RXYLT1: variants seen among roughly 807,000 people sequenced by gnomAD.
RXYLT1 encodes the protein ribitol xylosyltransferase 1, also known as ribitol-5-phosphate xylosyltransferase 1.
A neutral mutation model predicts 43.5 loss-of-function variants in RXYLT1; 41 were observed. The observed-to-expected ratio is 0.94, with a 90% confidence interval of 0.73 to 1.22. The LOEUF (loss-of-function observed/expected upper bound fraction) is 1.22, where lower values mean the gene tolerates loss of function less well. Among genes scored for constraint, RXYLT1 ranks in the 50% most tolerant of loss-of-function variants. RXYLT1 has a pLI of 0.00. For synonymous variants in RXYLT1, 166 were observed against 194.4 expected, an observed-to-expected ratio of 0.85 and a Z score of 1.21; for missense variants, 514 against 532.0, an observed-to-expected ratio of 0.97 and a Z score of 0.33.
chr12:63,786,919 A>G (rs1266766329), intron 3 of RXYLT1, among the ~76,000 whole-genome samples: 1 of 152,056 alleles, frequency 6.6e-6, no homozygotes, highest in East Asian at 1.9e-4. Flanking sequence ...TTCGAGACCA[A>G]CCTGGCTATC....
rs191455174 is a variant in RXYLT1, at chr12:63,805,452, G to C, written c.914+48G>C. 2.7e-4 allele frequency: 408 copies of C among 1,512,004 alleles called. 3 individuals carry two copies. Among genetic ancestry groups the C allele is most frequent in the Non-Finnish European group, 4.1e-5 (46 of 1,131,054 alleles). The allele number at this position is 1,512,004 out of a possible 1,614,324, so 93.7% of individuals were successfully genotyped here. Reference sequence around the variant, plus strand: ...TCATTCATTTTGTTCTCCAGTCTGAGAGTTGCTTTATGTAGAAACACAGGT... The same window carrying C: ...TCATTCATTTTGTTCTCCAGTCTGACAGTTGCTTTATGTAGAAACACAGGT... On this transcript the variant is annotated intron_variant, in intron 5 of 5. Coordinates refer to ENST00000261234, the MANE Select transcript of RXYLT1 (RefSeq NM_014254.3).
intron 3 of RXYLT1, among the ~76,000 whole-genome samples, chr12:63,801,285 A>C (rs1340433660): frequency 6.6e-6 from 1 of 152,128 alleles, no homozygotes; most frequent in East Asian, 1.9e-4. Flanking sequence ...TATAACATTC[A>C]TGGAATGTTT....
rs759211811 is a variant in RXYLT1, at chr12:63,802,120, G to A, written c.458G>A (p.Gly153Glu). ...SFITGPAVIP[G>E]YFSVDVNNVV... ...ATCACTGGTCCAGCTGTAATACCAGGGTACTTCTCCGTTGATGTGAATAAT... is the reference window on the plus strand; with the variant it reads ...ATCACTGGTCCAGCTGTAATACCAGAGTACTTCTCCGTTGATGTGAATAAT... The change falls in exon 4 of 6, where the codon GGG becomes GAG. Residue 153 changes from glycine to glutamate, a missense_variant. Physicochemically the swap from Gly to Glu is moderately conservative, Grantham distance 98. Coordinates refer to ENST00000261234, the MANE Select transcript of RXYLT1 (RefSeq NM_014254.3). The A allele has an allele frequency of 1.2e-6, 2 of 1,608,568 alleles. No homozygotes were observed. The highest frequency in any genetic ancestry group is 1.7e-5 in the Admixed American group (1 of 59,184).
intron 5 of RXYLT1, chr12:63,806,612 C>T (rs1479725581): frequency 6.6e-6 from 1 of 152,184 alleles, no homozygotes; most frequent in East Asian, 1.9e-4. Context: ...TGTAAAATAA[C>T]AAAGGTTATT....
chr12:63,781,136 C>G lies in RXYLT1; in HGVS notation c.287C>G (p.Thr96Arg), dbSNP rs773454912. Residue 96 changes from threonine to arginine, a missense_variant, in exon 2 of 6, where the codon ACA becomes AGA. Thr to Arg is a moderately conservative substitution (Grantham distance 71). Transcript: ENST00000261234. ...TTAGATAAATCCACGAAAGGAAAAACAGATCTCAGTGTACAAATCTGGGGC... is the reference window on the plus strand; with the variant it reads ...TTAGATAAATCCACGAAAGGAAAAAGAGATCTCAGTGTACAAATCTGGGGC... ...QILDKSTKGK[T>R]DLSVQIWGKA... 7 of 1,604,752 alleles carry G rather than the reference C, an allele frequency of 4.4e-6. No individual in the cohort carries two copies. The highest frequency in any genetic ancestry group is 5.1e-6 in the Non-Finnish European group (6 of 1,176,316).
At position 63,798,993 on chromosome 12, in the gene RXYLT1, C is replaced by T. The variant is rs76566598; in HGVS notation, c.429-3098C>T. Among the ~76,000 whole-genome samples, 1,013 of 152,198 alleles carry T rather than the reference C, an allele frequency of 6.7e-3. 13 individuals carry two copies. The highest frequency in any genetic ancestry group is 0.022 in the African/African-American group (920 of 41,522). On this transcript the variant is annotated intron_variant, in intron 3 of 5. Coordinates refer to ENST00000261234, the MANE Select transcript of RXYLT1 (RefSeq NM_014254.3). ...TTAAAAATTGAACTGTTAAGCATTT[C>T]TTTTAGCTTGGGAGACACTGAAAAA...
chr12:63,797,404 T>C (rs1592850542), intron 3 of RXYLT1, among the ~76,000 whole-genome samples: 1 of 152,162 alleles, frequency 6.6e-6, no homozygotes, highest in Non-Finnish European at 1.5e-5. Flanking sequence ...TATCAACAAA[T>C]GTTTTCTAAA....
chr12:63,805,869 C>T (rs1281771992), intron 5 of RXYLT1: 1 of 152,634 alleles, frequency 6.6e-6, no homozygotes, highest in Non-Finnish European at 1.5e-5. Flanking sequence ...TAGGACCTTG[C>T]ACAAAGTAGA....
chr12:63,797,392 C>T (rs1898059626), intron 3 of RXYLT1, among the ~76,000 whole-genome samples: 1 of 152,040 alleles, frequency 6.6e-6, no homozygotes. Context: ...GGGTGTGGGG[C>T]CTATCAACAA....
At chr12:63,801,447 T>C (rs1250286239) in intron 3 of RXYLT1, among the ~76,000 whole-genome samples, 1 of 152,172 alleles carries the variant, frequency 6.6e-6, no homozygotes, top group Non-Finnish European at 1.5e-5. Context: ...TTTACAGAGT[T>C]CCATGCTATT....
chr12:63,808,780 A>T lies in RXYLT1; in HGVS notation c.1020A>T (p.Arg340=), dbSNP rs914338735. The T allele has an allele frequency of 3.7e-6, 6 of 1,613,308 alleles. No homozygotes were observed. The highest frequency in any genetic ancestry group is 5.1e-6 in the Non-Finnish European group (6 of 1,179,906). ...TCGGAGTAAACACAGAATGCTATCG[A>T]ATCTATGAGGCTTGCTCCTATGGCT... The part of the protein sequence containing the change: ...CPVGVNTECY[R]IYEACSYGSI... Residue 340 remains arginine, a synonymous_variant, in exon 6 of 6, where the codon CGA becomes CGT. Coordinates refer to ENST00000261234, the MANE Select transcript of RXYLT1 (RefSeq NM_014254.3).
chr12:63,807,218 C>G (rs1333784414), intron 5 of RXYLT1: 2 of 152,194 alleles, frequency 1.3e-5, no homozygotes, highest in Non-Finnish European at 1.5e-5. Context: ...TTATTCTTCA[C>G]CTAACTTAAA....
chr12:63,785,267 A>G (rs530058060), intron 3 of RXYLT1, 195 bp downstream of exon 3: 3 of 306,454 alleles, frequency 9.8e-6, no homozygotes, highest in Non-Finnish European at 1.8e-5. Context: ...GAAATTGTAT[A>G]TTACAGAATA....
intron 3 of RXYLT1, among the ~76,000 whole-genome samples, chr12:63,789,809 G>T (rs1011762265): frequency 6.6e-6 from 1 of 152,152 alleles, no homozygotes; most frequent in Non-Finnish European, 1.5e-5. Context: ...TTATGCAATT[G>T]TAAGTCTTCA....
chr12:63,780,005 G>A lies in RXYLT1; in HGVS notation c.45G>A (p.Leu15=), dbSNP rs1482505765. The A allele has an allele frequency of 3.1e-6, 5 of 1,611,070 alleles. No individual in the cohort carries two copies. Among genetic ancestry groups the A allele is most frequent in the African/African-American group, 1.3e-5 (1 of 74,670 alleles). Residue 15 remains leucine (L), a synonymous_variant, in exon 1 of 6, where the codon CTG becomes CTA. Transcript: ENST00000261234. The stretch of plus-strand genomic sequence containing the variant: ...GGCTCTGCTCGTTTCTTATCGCCCT[G>A]TACTGCCTATTCTCCCTCTACGCTG... ...RKRLCSFLIA[L]YCLFSLYAAY...
chr12:63,792,722 C>T (rs1205946080), intron 3 of RXYLT1, among the ~76,000 whole-genome samples: 1 of 152,114 alleles, frequency 6.6e-6, no homozygotes, highest in Non-Finnish European at 1.5e-5. Context: ...TCAGAACCAC[C>T]CTGTGCAGCT....
chr12:63,784,625 A>G (rs917704465), intron 2 of RXYLT1, among the ~76,000 whole-genome samples: 1 of 152,250 alleles, frequency 6.6e-6, no homozygotes, highest in Non-Finnish European at 1.5e-5. Context: ...ACCACATAGT[A>G]TAGTTTACTT....
At chr12:63,788,396 G>A (rs976005789) in intron 3 of RXYLT1, among the ~76,000 whole-genome samples, 2 of 152,186 alleles carry the variant, frequency 1.3e-5, no homozygotes, top group African/African-American at 4.8e-5. Flanking sequence ...ATCTTCTGCT[G>A]ATATAAAGCT....
intron 3 of RXYLT1, among the ~76,000 whole-genome samples, chr12:63,794,177 A>G (rs1029524015): frequency 6.6e-6 from 1 of 152,186 alleles, no homozygotes; most frequent in Non-Finnish European, 1.5e-5. Context: ...ATGCCCCATC[A>G]TAAGGTAGTC....
Sources: gnomAD v4.1 joint callset for allele counts (sites outside exome capture counted in the v4.1 genomes callset) on GRCh38, gnomAD v4.1.1 for gene constraint, MANE v1.5 for transcripts, NCBI Gene and HGNC (gene_info 2026-07-23, HGNC 2026-07-21) for gene names.